The following NPAS3 variants were observed in gnomAD, a reference collection of about 807,000 sequenced individuals.
The protein encoded by NPAS3 is neuronal PAS domain-containing protein 3.
Under a neutral mutation model 73.1 loss-of-function variants are expected in NPAS3, and 14 were observed. That is an observed-to-expected ratio of 0.19 (90% CI 0.13 to 0.30). The LOEUF (loss-of-function observed/expected upper bound fraction) is 0.30. Among genes scored for constraint, NPAS3 ranks in the 10% least tolerant of loss-of-function variants. The probability of loss-of-function intolerance (pLI) is 1.00; values close to 1 mark genes in which losing one functional copy is unlikely to be tolerated. For missense variants in NPAS3, 1,096 were observed against 1,250.0 expected, an observed-to-expected ratio of 0.88 and a Z score of 1.86; for synonymous variants, 620 against 541.5, an observed-to-expected ratio of 1.14 and a Z score of -2.01.
intron 6 of NPAS3, among the ~76,000 whole-genome samples, chr14:33,690,699 GGAA>G (rs1674064921): frequency 6.6e-6 from 1 of 152,136 alleles, no homozygotes; most frequent in South Asian, 2.1e-4. Flanking sequence ...AAAGCATTTT[GGAA>G]GAAGGAGACG....
intron 3 of NPAS3, among the ~76,000 whole-genome samples, chr14:33,282,382 T>G (rs2140068456): frequency 6.6e-6 from 1 of 152,296 alleles, no homozygotes; most frequent in Non-Finnish European, 1.5e-5. Context: ...GCTAATCGAT[T>G]AAAACCGCAG....
intron 4 of NPAS3, among the ~76,000 whole-genome samples, chr14:33,547,496 C>T (rs1473621178): frequency 6.6e-6 from 1 of 152,154 alleles, no homozygotes. Context: ...TGGTTCACTG[C>T]CCTGGGTTCA....
intron 2 of NPAS3, among the ~76,000 whole-genome samples, chr14:33,212,535 T>TAGGCA (rs943358451): frequency 3.3e-5 from 5 of 152,172 alleles, no homozygotes; most frequent in African/African-American, 1.2e-4. Flanking sequence ...GAACACATGT[T>TAGGCA]AGGCAAGGCA....
chr14:33,662,460 A>C (rs2059335213), intron 5 of NPAS3, among the ~76,000 whole-genome samples: 1 of 152,208 alleles, frequency 6.6e-6, no homozygotes, highest in Non-Finnish European at 1.5e-5. Context: ...ATGAAATTTA[A>C]AGTAGTTTTT....
At chr14:33,040,238 T>C (rs1595300189) in intron 1 of NPAS3, among the ~76,000 whole-genome samples, 1 of 152,142 alleles carries the variant, frequency 6.6e-6, no homozygotes, top group Non-Finnish European at 1.5e-5. Context: ...CAAGAGGCTA[T>C]TGAATGGAGG....
At chr14:33,438,739 C>T (rs767259647) in intron 4 of NPAS3, among the ~76,000 whole-genome samples, 1 of 152,136 alleles carries the variant, frequency 6.6e-6, no homozygotes, top group Non-Finnish European at 1.5e-5. Flanking sequence ...TACTCTTTCA[C>T]CATCAATTTT....
At chr14:33,454,315 G>A (rs1422134144) in intron 4 of NPAS3, among the ~76,000 whole-genome samples, 1 of 152,182 alleles carries the variant, frequency 6.6e-6, no homozygotes, top group Non-Finnish European at 1.5e-5. Flanking sequence ...AAGCAAAAGT[G>A]AAAGTTAAAA....
intron 7 of NPAS3, among the ~76,000 whole-genome samples, chr14:33,755,647 A>T (rs1403123901): frequency 6.6e-6 from 1 of 152,152 alleles, no homozygotes; most frequent in East Asian, 1.9e-4. Flanking sequence ...TAATGTTAAG[A>T]TTAGCTGTCT....
chr14:33,164,048 G>A (rs535279423), intron 2 of NPAS3, among the ~76,000 whole-genome samples: 1 of 152,202 alleles, frequency 6.6e-6, no homozygotes, highest in Non-Finnish European at 1.5e-5. Context: ...GAAAGAGCTT[G>A]CCTGTTGGTT....
chr14:33,563,889 G>A (rs943620917), intron 5 of NPAS3, among the ~76,000 whole-genome samples: 7 of 152,150 alleles, frequency 4.6e-5, no homozygotes, highest in Non-Finnish European at 7.3e-5. Context: ...TATAGCCAGC[G>A]TTTATGAAAT....
chr14:33,281,613 T>C (rs942603035), intron 3 of NPAS3, among the ~76,000 whole-genome samples: 1 of 152,194 alleles, frequency 6.6e-6, no homozygotes, highest in Non-Finnish European at 1.5e-5. Flanking sequence ...GCGGTGCTGA[T>C]AGAACAAGAC....
At chr14:33,183,841 C>T (rs149033107) in intron 2 of NPAS3, among the ~76,000 whole-genome samples, 426 of 152,302 alleles carry the variant, frequency 2.8e-3, no homozygotes, top group African/African-American at 9.8e-3. Flanking sequence ...TCCACTCCTC[C>T]TATCTGCAAG....
intron 2 of NPAS3, among the ~76,000 whole-genome samples, chr14:33,095,347 G>A (rs2138844479): frequency 6.6e-6 from 1 of 152,320 alleles, no homozygotes; most frequent in South Asian, 2.1e-4. Flanking sequence ...CAAATGCAGA[G>A]CAGAGGTTCT....
chr14:33,619,296 C>T (rs1383097597), intron 5 of NPAS3, among the ~76,000 whole-genome samples: 1 of 151,964 alleles, frequency 6.6e-6, no homozygotes, highest in East Asian at 1.9e-4. Context: ...GGCCTATTAC[C>T]TTTGTCTATA....
chr14:33,198,371 T>A lies in NPAS3; in HGVS notation c.141-16811T>A, dbSNP rs769108994. Among the ~76,000 whole-genome samples, 3 of 152,098 alleles carry A rather than the reference T, an allele frequency of 2.0e-5. No homozygotes were observed. The East Asian group carries it at 5.8e-4, about 29-fold the overall frequency. ...CTGATTGGTCCATTTTACAGAGAGCTGATTGGTCCATTTTGACAGGGTGCT... is the reference window on the plus strand; with the variant it reads ...CTGATTGGTCCATTTTACAGAGAGCAGATTGGTCCATTTTGACAGGGTGCT... On this transcript the variant is annotated intron_variant, in intron 2 of 11. Coordinates refer to ENST00000356141, the Ensembl canonical transcript of NPAS3.
At chr14:33,789,737 C>CG in intron 9 of NPAS3, among the ~76,000 whole-genome samples, 1 of 145,636 alleles carries the variant, frequency 6.9e-6, no homozygotes, top group South Asian at 2.2e-4. Context: ...TACAGGCGCC[C>CG]GCCACCACGC....
chr14:33,270,820 G>A (rs1455804492), intron 3 of NPAS3, among the ~76,000 whole-genome samples: 1 of 152,142 alleles, frequency 6.6e-6, no homozygotes, highest in African/African-American at 2.4e-5. Context: ...AGATATCTCA[G>A]GTCAGCCAGT....
intron 1 of NPAS3, among the ~76,000 whole-genome samples, chr14:32,965,766 A>T (rs2037126531): frequency 6.6e-6 from 1 of 152,228 alleles, no homozygotes; most frequent in African/African-American, 2.4e-5. Context: ...ATGAAGTCAG[A>T]TTGTTCTTGT....
At position 33,290,003 on chromosome 14, in the gene NPAS3, G is replaced by A. The variant is rs547959144; in HGVS notation, c.385+74577G>A. On this transcript the variant is annotated intron_variant, in intron 3 of 11. Transcript: ENST00000356141. The stretch of plus-strand genomic sequence containing the variant: ...TTGTACTTCTGACCATCTTTTTAGG[G>A]AGGTGGAGTTAGAAGCCTTTTTTCT... 2.0e-5 allele frequency among the ~76,000 whole-genome samples: 3 copies of A among 152,130 alleles called. No homozygotes were observed. The South Asian group carries it at 6.2e-4, about 32-fold the overall frequency.
Sources: gnomAD v4.1 joint callset for allele counts (sites outside exome capture counted in the v4.1 genomes callset) on GRCh38, gnomAD v4.1.1 for gene constraint, MANE v1.5 for transcripts, NCBI Gene and HGNC (gene_info 2026-07-23, HGNC 2026-07-21) for gene names.